Variants in RGSL1 observed in about 807,000 individuals in gnomAD.
RGSL1 encodes regulator of G protein signaling protein-like.
Under a neutral mutation model 124.7 loss-of-function variants are expected in RGSL1, and 97 were observed. That is an observed-to-expected ratio of 0.78 (90% CI 0.66 to 0.92). The LOEUF (loss-of-function observed/expected upper bound fraction) is 0.92, where lower values mean the gene tolerates loss of function less well. Ranked by LOEUF, RGSL1 falls within the 40% of genes least tolerant of loss-of-function variation. The pLI, the probability that RGSL1 is intolerant of heterozygous loss-of-function variation, is 0.00. For synonymous variants in RGSL1, 424 were observed against 438.1 expected (o/e 0.97, Z 0.40); for missense variants, 1,233 against 1,288.4 (o/e 0.96, Z 0.66).
At chr1:182,455,539 A>G (rs1294199565) in intron 2 of RGSL1, among the ~76,000 whole-genome samples, 2 of 151,926 alleles carry the variant, frequency 1.3e-5, no homozygotes, top group Admixed American at 1.3e-4. Flanking sequence ...CCGAGATTGC[A>G]CCACTGCACT....
At chr1:182,551,724 G>A (rs546956187) in intron 18 of RGSL1, among the ~76,000 whole-genome samples, 1 of 142,818 alleles carries the variant, frequency 7.0e-6, no homozygotes, top group South Asian at 2.3e-4. Flanking sequence ...TAAAAAATAA[G>A]TAAATATGCA....
At chr1:182,492,847 T>G in intron 8 of RGSL1, 175 bp from the exon 9 acceptor site, 1 of 592,552 alleles carries the variant, frequency 1.7e-6, no homozygotes, top group Non-Finnish European at 3.0e-6. Context: ...GTCAGGATGG[T>G]CTCAATCTCC....
intron 9 of RGSL1, 94 bp downstream of exon 9, chr1:182,493,223 C>A: frequency 1.2e-6 from 1 of 841,436 alleles, no homozygotes; most frequent in Non-Finnish European, 1.9e-6. Context: ...GAACATAAGC[C>A]AAAAGAGGAA....
At chr1:182,513,018 AGGCCAAAG>A in intron 9 of RGSL1, among the ~76,000 whole-genome samples, 1 of 152,332 alleles carries the variant, frequency 6.6e-6, no homozygotes, top group East Asian at 1.9e-4. Context: ...GGGGCATGGC[AGGCCAAAG>A]GGCAACATTT....
intron 19 of RGSL1, 124 bp from the exon 20 acceptor site, chr1:182,554,503 C>T: frequency 3.9e-6 from 3 of 760,990 alleles, no homozygotes; most frequent in South Asian, 3.1e-5. Flanking sequence ...CCTTCACTTT[C>T]CAACCCCTAC....
At chr1:182,487,722 C>T (rs1473593272) in intron 6 of RGSL1, among the ~76,000 whole-genome samples, 3 of 152,182 alleles carry the variant, frequency 2.0e-5, no homozygotes, top group Non-Finnish European at 1.5e-5. Context: ...ATTCCCAGCA[C>T]TTTGTAAAGT....
chr1:182,484,347 G>C (rs528817988), intron 6 of RGSL1, among the ~76,000 whole-genome samples: 12 of 152,176 alleles, frequency 7.9e-5, no homozygotes, highest in Admixed American at 4.6e-4. Context: ...ATTTCCCTGG[G>C]ATGTAAGATG....
chr1:182,556,111 G>C lies in RGSL1; in HGVS notation c.*54G>C. On this transcript the variant is annotated 3_prime_UTR_variant, in exon 21 of 22. Transcript: ENST00000294854. ...CATCTCTTAGAGGCCTCCTAACACT[G>C]ACAGAAACTTTTCTGGTCAAAAATG... 6.7e-7 allele frequency: 1 copy of C among 1,493,456 alleles called. No homozygotes were observed. Among genetic ancestry groups the C allele is most frequent in the Non-Finnish European group, 9.1e-7 (1 of 1,103,036 alleles). 92.5% of individuals were successfully genotyped at this position (1,493,456 alleles called of 1,614,324 possible).
At chr1:182,525,538 G>C (rs1046854117) in intron 10 of RGSL1, among the ~76,000 whole-genome samples, 2 of 151,600 alleles carry the variant, frequency 1.3e-5, no homozygotes, top group African/African-American at 4.8e-5. Flanking sequence ...GATTTAAGTT[G>C]ACAAAAGAAT....
At chr1:182,545,706 T>G (rs562278290) in intron 15 of RGSL1, among the ~76,000 whole-genome samples, 4 of 152,262 alleles carry the variant, frequency 2.6e-5, no homozygotes, top group South Asian at 2.1e-4. Context: ...TTTTGTTTTG[T>G]TTTGGTTTGG....
At chr1:182,448,347 G>A (rs1054478293), upstream of RGSL1, 4 of 152,078 alleles carry the variant, frequency 2.6e-5, no homozygotes, top group Non-Finnish European at 4.4e-5. Context: ...TCAGACTTCT[G>A]AGTAGCTGGG....
chr1:182,513,690 C>T (rs1422715112), intron 9 of RGSL1, among the ~76,000 whole-genome samples: 1 of 152,128 alleles, frequency 6.6e-6, no homozygotes, highest in Admixed American at 6.5e-5. Context: ...ACCAAGGCAA[C>T]CACTTTCAGG....
At chr1:182,557,041 T>C (rs1333231799) in intron 21 of RGSL1, among the ~76,000 whole-genome samples, 2 of 152,204 alleles carry the variant, frequency 1.3e-5, no homozygotes, top group African/African-American at 2.4e-5. Flanking sequence ...AAAGGTGATG[T>C]TGGAGCAGAA....
In RGSL1 at chr1:182,474,204, T is replaced by C; in HGVS notation, c.1093T>C (p.Phe365Leu). The C allele has an allele frequency of 6.4e-7, 1 of 1,552,030 alleles. No homozygotes were observed. ...MTIQKAIKQS[F>L]SLGYIHLALC... Reference sequence around the variant, plus strand: ...AATTCAGAAGGCCATCAAGCAAAGCTTCTCCTTAGGATACATCCACTTGGC... The same window carrying C: ...AATTCAGAAGGCCATCAAGCAAAGCCTCTCCTTAGGATACATCCACTTGGC... Residue 365 changes from phenylalanine (F) to leucine (L), a missense_variant, in exon 6 of 22, where the codon TTC becomes CTC. Coordinates refer to ENST00000294854, the MANE Select transcript of RGSL1 (RefSeq NM_001137669.2).
At chr1:182,521,183 C>T (rs1658306473) in intron 9 of RGSL1, among the ~76,000 whole-genome samples, 1 of 152,134 alleles carries the variant, frequency 6.6e-6, no homozygotes. Context: ...GATCTTCTTG[C>T]CTCAGCCTTC....
intron 16 of RGSL1, 43 bp from the exon 17 acceptor site, chr1:182,548,657 C>T (rs1440680192): frequency 6.5e-7 from 1 of 1,548,108 alleles, no homozygotes; most frequent in Non-Finnish European, 8.7e-7. Context: ...TTCTGCCTTC[C>T]CGTGGAGCCT....
At chr1:182,555,927 C>T in intron 20 of RGSL1, 97 bp from the exon 21 acceptor site, 1 of 1,126,638 alleles carries the variant, frequency 8.9e-7, no homozygotes, top group Non-Finnish European at 1.3e-6. Flanking sequence ...TTGGCTATTG[C>T]CATTCCTAAA....
chr1:182,525,635 CAT>C (rs1276501715), intron 10 of RGSL1, among the ~76,000 whole-genome samples: 1 of 152,000 alleles, frequency 6.6e-6, no homozygotes, highest in Non-Finnish European at 1.5e-5. Context: ...AGAAAAAGAA[CAT>C]ATATTCAAGG....
chr1:182,543,741 A>G (rs1358735256), intron 15 of RGSL1, among the ~76,000 whole-genome samples: 1 of 152,016 alleles, frequency 6.6e-6, no homozygotes. Flanking sequence ...TGAGTTTTCT[A>G]TGTCCTCATG....
Sources: gnomAD v4.1 joint callset for allele counts (sites outside exome capture counted in the v4.1 genomes callset) on GRCh38, gnomAD v4.1.1 for gene constraint, MANE v1.5 for transcripts, NCBI Gene and HGNC (gene_info 2026-07-23, HGNC 2026-07-21) for gene names.